Variants in COG6 observed in about 807,000 individuals in gnomAD.
The protein encoded by COG6 is conserved oligomeric Golgi complex subunit 6.
Under a neutral mutation model 88.8 loss-of-function variants are expected in COG6, and 74 were observed. The observed-to-expected ratio is 0.83, with a 90% CI of 0.69 to 1.01. The LOEUF is 1.01. Ranked by LOEUF, COG6 falls within the 50% of genes least tolerant of loss-of-function variation. COG6 has a pLI of 0.00. For missense variants in COG6, 800 were observed against 797.9 expected (o/e 1.00, Z -0.03); for synonymous variants, 286 against 278.7 (o/e 1.03, Z -0.26).
intron 8 of COG6, among the ~76,000 whole-genome samples, chr13:39,684,242 GATTTTTT>G (rs1876491404): frequency 2.2e-5 from 1 of 44,798 alleles, no homozygotes; most frequent in Non-Finnish European, 4.3e-5. Context: ...CAATTTGGAA[GATTTTTT>G]TTTTTTTTTT....
At chr13:39,746,233 TA>T (rs79814174) in intron 18 of COG6, among the ~76,000 whole-genome samples, 245 of 142,254 alleles carry the variant, frequency 1.7e-3, no homozygotes, top group South Asian at 7.6e-3. Flanking sequence ...AAAGTATCAT[TA>T]AAAAAAAAAA....
At chr13:39,748,060 G>A (rs779604657) in intron 18 of COG6, among the ~76,000 whole-genome samples, 1 of 152,050 alleles carries the variant, frequency 6.6e-6, no homozygotes, top group African/African-American at 2.4e-5. Context: ...ATAGACTTGA[G>A]TATGAGGCAT....
intron 18 of COG6, among the ~76,000 whole-genome samples, chr13:39,744,980 T>C (rs1880260337): frequency 6.6e-6 from 1 of 150,492 alleles, no homozygotes; most frequent in Non-Finnish European, 1.5e-5. Flanking sequence ...TTGACAAACC[T>C]GACAAGGGGT....
At position 39,672,009 on chromosome 13, in the gene COG6, C is replaced by T. The variant is rs543629192; in HGVS notation, c.429-5459C>T. On this transcript the variant is annotated intron_variant, in intron 4 of 18. Coordinates refer to ENST00000455146, the MANE Select transcript of COG6 (RefSeq NM_020751.3). ...TGCTCTTTGTACCCACTCCTTTCTA[C>T]ACAGAAAACTTTTCAACTGAATATG... is the stretch of plus-strand genomic sequence containing the variant. 3.9e-5 allele frequency among the ~76,000 whole-genome samples: 6 copies of T among 152,076 alleles called. No homozygotes were observed. The South Asian group carries it at 6.2e-4, about 16-fold the overall frequency.
At chr13:39,665,194 G>A (rs1428899769) in intron 4 of COG6, 40 bp downstream of exon 4, 2 of 1,064,462 alleles carry the variant, frequency 1.9e-6, no homozygotes, top group African/African-American at 1.6e-5. Flanking sequence ...CAATAATTTG[G>A]AGATTGGAGT....
intron 18 of COG6, among the ~76,000 whole-genome samples, chr13:39,764,102 G>A (rs775669448): frequency 6.6e-6 from 1 of 151,726 alleles, no homozygotes; most frequent in Non-Finnish European, 1.5e-5. Flanking sequence ...CTGTTTGGTT[G>A]TTCTATTTCT....
intron 18 of COG6, among the ~76,000 whole-genome samples, chr13:39,766,443 A>C (rs751379179): frequency 6.6e-6 from 1 of 152,070 alleles, no homozygotes; most frequent in Non-Finnish European, 1.5e-5. Flanking sequence ...TCCCAAAAAA[A>C]CCTGGGGGAA....
Position 39,749,365 on chromosome 13 carries a change from C to T in COG6, c.1827-1581C>T, listed in dbSNP as rs1299743687. ...TCAAGTTAGTTGAAATTTTGTAGGA[C>T]AGGTAAGACATGAACAACATGTATT... On this transcript the variant is annotated intron_variant, in intron 18 of 18. Coordinates refer to ENST00000455146, the MANE Select transcript of COG6 (RefSeq NM_020751.3). Among the ~76,000 whole-genome samples, 4 of 152,254 alleles carry T rather than the reference C, an allele frequency of 2.6e-5. No homozygotes were observed. In the East Asian group the frequency reaches 7.7e-4, roughly 29 times the overall value.
intron 15 of COG6, among the ~76,000 whole-genome samples, 175 bp downstream of exon 15, chr13:39,720,002 C>CAG (rs1376427632): frequency 2.0e-4 from 30 of 149,150 alleles, no homozygotes; most frequent in Non-Finnish European, 4.3e-4. Context: ...ACAACACACA[C>CAG]ACACACACAC....
At chr13:39,706,284 TATATATAG>T (rs1877920550) in intron 13 of COG6, among the ~76,000 whole-genome samples, 1 of 131,108 alleles carries the variant, frequency 7.6e-6, no homozygotes, top group African/African-American at 2.7e-5. Context: ...TATATTTAAA[TATATATAG>T]AGAGAGAATG....
intron 18 of COG6, among the ~76,000 whole-genome samples, chr13:39,734,696 G>T (rs1879640635): frequency 6.6e-6 from 1 of 152,032 alleles, no homozygotes; most frequent in Non-Finnish European, 1.5e-5. Context: ...CAAAGTAGAG[G>T]GTTGAAGCCT....
intron 12 of COG6, among the ~76,000 whole-genome samples, chr13:39,699,233 A>G (rs1221674156): frequency 6.6e-6 from 1 of 151,806 alleles, no homozygotes; most frequent in Non-Finnish European, 1.5e-5. Flanking sequence ...TATATCACAA[A>G]TATCTGTTCT....
At chr13:39,682,138 T>G (rs746561746) in intron 7 of COG6, 33 bp from the exon 8 acceptor site, 3 of 1,473,292 alleles carry the variant, frequency 2.0e-6, no homozygotes, top group Non-Finnish European at 2.9e-6. Context: ...TAAGCTGAAT[T>G]TAACAAAAGT....
chr13:39,753,074 T>C (rs1044685689), downstream of COG6, among the ~76,000 whole-genome samples: 1 of 152,304 alleles, frequency 6.6e-6, no homozygotes, highest in Admixed American at 6.5e-5. Flanking sequence ...ATGATTACAG[T>C]GTTCAAATGG....
At chr13:39,746,013 CAT>C (rs1880326441) in intron 18 of COG6, among the ~76,000 whole-genome samples, 1 of 151,956 alleles carries the variant, frequency 6.6e-6, no homozygotes, top group African/African-American at 2.4e-5. Flanking sequence ...TGTTCTCACT[CAT>C]AGGTGGGAAC....
At chr13:39,741,397 G>A (rs979787433) in intron 18 of COG6, among the ~76,000 whole-genome samples, 4 of 152,118 alleles carry the variant, frequency 2.6e-5, no homozygotes, top group Non-Finnish European at 5.9e-5. Context: ...AATTAACAGT[G>A]TAGAGAAGAC....
intron 17 of COG6, 124 bp from the exon 18 acceptor site, chr13:39,727,345 A>C (rs1879184281): frequency 1.3e-6 from 1 of 754,684 alleles, no homozygotes; most frequent in Admixed American, 2.0e-5. Context: ...TGAACACAAC[A>C]ATCTAGTTAT....
intron 18 of COG6, among the ~76,000 whole-genome samples, chr13:39,770,056 A>T (rs1332271770): frequency 6.6e-6 from 1 of 152,250 alleles, no homozygotes; most frequent in Non-Finnish European, 1.5e-5. Context: ...TTATAGTACC[A>T]CACACAATTT....
intron 3 of COG6, among the ~76,000 whole-genome samples, chr13:39,663,096 A>ATC (rs1875013880): frequency 5.3e-5 from 1 of 18,798 alleles, no homozygotes; most frequent in Admixed American, 1.2e-3. Flanking sequence ...AATAATAAAC[A>ATC]TGCATTTAGA....
Sources: gnomAD v4.1 joint callset for allele counts (sites outside exome capture counted in the v4.1 genomes callset) on GRCh38, gnomAD v4.1.1 for gene constraint, MANE v1.5 for transcripts, NCBI Gene and HGNC (gene_info 2026-07-23, HGNC 2026-07-21) for gene names.